The following ANO2 variants were observed in gnomAD, a reference collection of about 807,000 sequenced individuals.
ANO2 encodes the protein anoctamin-2.
Under a neutral mutation model 124.2 loss-of-function variants are expected in ANO2, and 101 were observed. The ratio of observed to expected loss-of-function variants is 0.81; its 90% confidence interval spans 0.69 to 0.96. The LOEUF (loss-of-function observed/expected upper bound fraction) is 0.96, where lower values mean the gene tolerates loss of function less well. Ranked by LOEUF, ANO2 falls within the 40% of genes least tolerant of loss-of-function variation. The pLI, the probability that ANO2 is intolerant of heterozygous loss-of-function variation, is 0.00. For missense variants in ANO2, 1,293 were observed against 1,274.5 expected, an observed-to-expected ratio of 1.01 and a Z score of -0.22; for synonymous variants, 486 against 482.5, an observed-to-expected ratio of 1.01 and a Z score of -0.09.
At chr12:5,844,995 G>A (rs1359758941) in intron 4 of ANO2, among the ~76,000 whole-genome samples, 3 of 151,284 alleles carry the variant, frequency 2.0e-5, no homozygotes, top group Non-Finnish European at 4.4e-5. Flanking sequence ...GACTAGGCTG[G>A]GCATGGCACC....
chr12:5,801,502 A>G (rs1418884339), intron 9 of ANO2, among the ~76,000 whole-genome samples: 3 of 152,254 alleles, frequency 2.0e-5, no homozygotes, highest in Non-Finnish European at 2.9e-5. Flanking sequence ...TCGGAAGCCC[A>G]TCTGAACATC....
intron 10 of ANO2, among the ~76,000 whole-genome samples, chr12:5,766,483 A>G (rs1951893998): frequency 6.6e-6 from 1 of 152,234 alleles, no homozygotes; most frequent in Non-Finnish European, 1.5e-5. Flanking sequence ...TTCTATTTAT[A>G]TTAAGTTCAA....
chr12:5,935,801 G>T (rs1279678978), intron 1 of ANO2, among the ~76,000 whole-genome samples: 1 of 152,138 alleles, frequency 6.6e-6, no homozygotes, highest in Admixed American at 6.5e-5. Context: ...TTGATGTCTG[G>T]GTTTCACCTC....
At chr12:5,817,625 AC>A (rs1410874493) in intron 7 of ANO2, among the ~76,000 whole-genome samples, 3 of 152,200 alleles carry the variant, frequency 2.0e-5, no homozygotes, top group African/African-American at 7.2e-5. Flanking sequence ...CACAGGCAGG[AC>A]ATTCAGGAAA....
At chr12:5,588,105 CG>C in intron 20 of ANO2, among the ~76,000 whole-genome samples, 1 of 143,088 alleles carries the variant, frequency 7.0e-6, no homozygotes, top group East Asian at 2.3e-4. Context: ...ACACCAGAGG[CG>C]GGGGGCAGCT....
chr12:5,636,564 A>G lies in ANO2; in HGVS notation c.1621-1217T>C, dbSNP rs4930772. 0.67 allele frequency among the ~76,000 whole-genome samples: 101,180 copies of G among 150,304 alleles called. 34,299 individuals carry two copies. Among genetic ancestry groups the G allele is most frequent in the East Asian group, 0.81 (4,057 of 5,038 alleles). ...AATAGAAAACGTAGGGAGAGAAAACAGCAGGTGGAAGGCTCCCTGAAAAAA... is the reference window on the plus strand; with the variant it reads ...AATAGAAAACGTAGGGAGAGAAAACGGCAGGTGGAAGGCTCCCTGAAAAAA... On this transcript the variant is annotated intron_variant, in intron 15 of 24. Transcript: ENST00000682330. The surrounding 1 kb of genome is among the most constrained non-coding windows in gnomAD (Gnocchi z 4.6).
chr12:5,711,542 A>G (rs1426649594), intron 14 of ANO2, among the ~76,000 whole-genome samples: 1 of 152,228 alleles, frequency 6.6e-6, no homozygotes, highest in African/African-American at 2.4e-5. Context: ...TAATTCATAC[A>G]GAGGCCCAGA....
chr12:5,891,587 C>T (rs183718473), intron 3 of ANO2, among the ~76,000 whole-genome samples: 1 of 152,286 alleles, frequency 6.6e-6, no homozygotes, highest in African/African-American at 2.4e-5. Context: ...AACCCTTTGG[C>T]TTACCCTAAA....
chr12:5,683,810 C>A (rs747534840), intron 14 of ANO2, among the ~76,000 whole-genome samples: 1 of 151,912 alleles, frequency 6.6e-6, no homozygotes, highest in African/African-American at 2.4e-5. Context: ...GTAGGGAGGG[C>A]TTCCTGGAGG....
intron 14 of ANO2, among the ~76,000 whole-genome samples, chr12:5,664,467 C>A (rs1288841599): frequency 6.6e-6 from 1 of 152,166 alleles, no homozygotes; most frequent in Non-Finnish European, 1.5e-5. Context: ...TTTAAGGATT[C>A]TTTACTTATC....
chr12:5,646,680 C>G (rs2136954444), intron 15 of ANO2, among the ~76,000 whole-genome samples: 1 of 152,294 alleles, frequency 6.6e-6, no homozygotes, highest in South Asian at 2.1e-4. Flanking sequence ...ACCACATCCT[C>G]TTGAATAAAT....
At chr12:5,563,626 C>T (rs1239077327) in intron 24 of ANO2, 58 bp from the exon 25 acceptor site, 3 of 1,594,444 alleles carry the variant, frequency 1.9e-6, no homozygotes, top group African/African-American at 2.7e-5. Flanking sequence ...GGGGAGGTGG[C>T]GGCCCTGGAG....
chr12:5,632,577 T>C lies in ANO2; in HGVS notation c.1816+2575A>G, dbSNP rs916317271. ...TAACAGCCCAGGGTAGCCGCTTTGG[T>C]CTGGGCAAGGAGGGTGTGCCAGTAG... On this transcript the variant is annotated intron_variant, in intron 16 of 24. Coordinates refer to ENST00000682330, the MANE Select transcript of ANO2 (RefSeq NM_001364791.2). Among the ~76,000 whole-genome samples, 4 of 152,068 alleles carry C rather than the reference T, an allele frequency of 2.6e-5. No homozygotes were observed. In the South Asian group the frequency reaches 8.3e-4, roughly 32 times the overall value.
At chr12:5,881,522 G>A (rs1204573078) in intron 3 of ANO2, among the ~76,000 whole-genome samples, 2 of 152,196 alleles carry the variant, frequency 1.3e-5, no homozygotes, top group Non-Finnish European at 2.9e-5. Flanking sequence ...GGGCAATATT[G>A]TAATTTCTCC....
intron 1 of ANO2, among the ~76,000 whole-genome samples, chr12:5,923,490 C>T (rs966888997): frequency 2.0e-5 from 3 of 152,190 alleles, no homozygotes; most frequent in Non-Finnish European, 1.5e-5. Flanking sequence ...TGGCCAGCCC[C>T]CACCTCCCTC....
chr12:5,622,288 G>A (rs988444342), intron 16 of ANO2, among the ~76,000 whole-genome samples: 11 of 152,146 alleles, frequency 7.2e-5, no homozygotes, highest in Admixed American at 7.2e-4. Flanking sequence ...CCTCCAACTG[G>A]AAATGAGTGA....
At chr12:5,701,296 T>C (rs952634748) in intron 14 of ANO2, among the ~76,000 whole-genome samples, 2 of 152,170 alleles carry the variant, frequency 1.3e-5, no homozygotes, top group Admixed American at 6.5e-5. Context: ...AGGATATCAC[T>C]ATTATTCTAG....
intron 10 of ANO2, among the ~76,000 whole-genome samples, chr12:5,790,581 C>T (rs1436634469): frequency 2.0e-5 from 3 of 152,188 alleles, no homozygotes; most frequent in Non-Finnish European, 4.4e-5. Flanking sequence ...TCGTAAGTCT[C>T]ATTTTTGTGT....
chr12:5,843,671 C>T (rs1954595757), intron 4 of ANO2, among the ~76,000 whole-genome samples: 4 of 151,748 alleles, frequency 2.6e-5, no homozygotes, highest in Non-Finnish European at 5.9e-5. Context: ...AGGAGTTGGT[C>T]AGGGTGAGGA....
Sources: gnomAD v4.1 joint callset for allele counts (sites outside exome capture counted in the v4.1 genomes callset) on GRCh38, gnomAD v4.1.1 for gene constraint, Gnocchi (gnomAD v3.1) non-coding constraint, MANE v1.5 for transcripts, NCBI Gene and HGNC (gene_info 2026-07-23, HGNC 2026-07-21) for gene names.